Variants in FCHO1 observed in about 807,000 individuals in gnomAD.
FCHO1 encodes F-BAR domain only protein 1.
A neutral mutation model predicts 114.4 loss-of-function variants in FCHO1; 45 were observed. The ratio of observed to expected loss-of-function variants is 0.39; its 90% CI spans 0.31 to 0.50. FCHO1 has a LOEUF of 0.50. Ranked by LOEUF, FCHO1 falls within the 20% of genes least tolerant of loss-of-function variation. The pLI, the probability that FCHO1 is intolerant of heterozygous loss-of-function variation, is 0.77. For missense variants in FCHO1, 1,042 were observed against 1,209.6 expected (o/e 0.86, Z 2.06); for synonymous variants, 480 against 488.9 (o/e 0.98, Z 0.24).
rs1312945945 is a variant in FCHO1, at chr19:17,774,380, C to T, written c.836-14C>T. ...AGGCTCACAGTGCTCAGGTGCCCCC[C>T]AATCTATCCTCAGCGATGAAACGTT... is the stretch of plus-strand genomic sequence containing the variant. On this transcript the variant is annotated splice_polypyrimidine_tract_variant and intron_variant, in intron 12 of 28. Transcript: ENST00000596536. 6 of 1,613,894 alleles carry T rather than the reference C, an allele frequency of 3.7e-6. No homozygotes were observed. The South Asian group carries it at 4.4e-5, about 12-fold the overall frequency.
intron 4 of FCHO1, 86 bp from the exon 5 acceptor site, chr19:17,762,674 GAC>G (rs779262915): frequency 1.1e-6 from 1 of 931,954 alleles, no homozygotes; most frequent in South Asian, 1.3e-5. Flanking sequence ...CAAGGGGATG[GAC>G]TTCTGCTCCT....
In FCHO1 at chr19:17,776,699, C is replaced by T. The variant is rs750270567; in HGVS notation, c.1259+13C>T. On this transcript the variant is annotated intron_variant, in intron 18 of 28. Transcript: ENST00000596536. The surrounding 1 kb of genome is among the most constrained non-coding windows in gnomAD (Gnocchi z 4.4). ...CCAGAACCAGCAGGTGGGTTCCACA[C>T]GAGTGGGCAGGTGGGGGCTGTCCCC... 1.2e-5 allele frequency: 20 copies of T among 1,613,196 alleles called. No homozygotes were observed. Among genetic ancestry groups the T allele is most frequent in the South Asian group, 7.7e-5 (7 of 91,072 alleles).
Position 17,788,335 on chromosome 19 carries a change from C to T in FCHO1, c.*29C>T, listed in dbSNP as rs2094106707. On this transcript the variant is annotated 3_prime_UTR_variant, in exon 29 of 29. Transcript: ENST00000596536. ...CGCAAATGCTGCTGCCCCAGCTCTA[C>T]ACTGCGCCCTGGTGCTGGCTGACCA... is the stretch of plus-strand genomic sequence containing the variant. The T allele has an allele frequency of 1.4e-6, 2 of 1,443,452 alleles. No homozygotes were observed. The highest frequency in any genetic ancestry group is 3.2e-5 in the East Asian group (1 of 31,486). 89.4% of individuals were successfully genotyped at this position (1,443,452 alleles called of 1,614,324 possible). A position where few individuals can be genotyped will look rare whatever the true frequency, so the allele number is the denominator to read the frequency against.
In FCHO1 at chr19:17,776,714, G is replaced by T. The variant is rs1438889021; in HGVS notation, c.1259+28G>T. The T allele has an allele frequency of 6.2e-7, 1 of 1,611,096 alleles. No individual in the cohort carries two copies. Among genetic ancestry groups the T allele is most frequent in the South Asian group, 1.1e-5 (1 of 91,008 alleles). ...GGGTTCCACACGAGTGGGCAGGTGG[G>T]GGCTGTCCCCACCTCCTCCCTCCAC... On this transcript the variant is annotated intron_variant, in intron 18 of 28. Coordinates refer to ENST00000596536, the MANE Select transcript of FCHO1 (RefSeq NM_015122.3). The surrounding 1 kb of genome is among the most constrained non-coding windows in gnomAD (Gnocchi z 4.4).
chr19:17,748,972 G>A (rs1161907331), upstream of FCHO1, among the ~76,000 whole-genome samples: 2 of 152,180 alleles, frequency 1.3e-5, no homozygotes, highest in Non-Finnish European at 2.9e-5. Flanking sequence ...TTACTGCACT[G>A]CAAAATGGGT....
intron 4 of FCHO1, chr19:17,755,511 G>A (rs1331224476): frequency 8.2e-6 from 2 of 244,214 alleles, no homozygotes; most frequent in Non-Finnish European, 1.6e-5. Context: ...TGAACTTCCA[G>A]GACCCAGGGT....
At chr19:17,778,036 C>T in intron 18 of FCHO1, 101 bp from the exon 19 acceptor site, 1 of 749,526 alleles carries the variant, frequency 1.3e-6, no homozygotes, top group Non-Finnish European at 2.2e-6. Flanking sequence ...AAGACTCCGT[C>T]TCAAAAAAAA....
At chr19:17,786,919 AAAACAAACAAAC>A (rs1212378888) in intron 27 of FCHO1, among the ~76,000 whole-genome samples, 1 of 151,652 alleles carries the variant, frequency 6.6e-6, no homozygotes, top group Non-Finnish European at 1.5e-5. Flanking sequence ...CTCTGACTCA[AAAACAAACAAAC>A]AAACAAAAAA....
intron 24 of FCHO1, 99 bp downstream of exon 24, chr19:17,783,271 C>CA (rs1967014470): frequency 2.6e-6 from 2 of 755,342 alleles, no homozygotes; most frequent in South Asian, 5.0e-5. Context: ...TTTTTCTTTT[C>CA]TTTTTTTTTT....
At chr19:17,752,736 C>CAAA (rs760871627) in intron 1 of FCHO1, among the ~76,000 whole-genome samples, 1 of 112,146 alleles carries the variant, frequency 8.9e-6, no homozygotes, top group Non-Finnish European at 1.7e-5. Flanking sequence ...CTAGTCTCTA[C>CAAA]AAAAAAAAAA....
chr19:17,766,203 G>C (rs1332278688), intron 6 of FCHO1, among the ~76,000 whole-genome samples: 1 of 142,068 alleles, frequency 7.0e-6, no homozygotes, highest in African/African-American at 2.6e-5. Flanking sequence ...TTGAGATGGA[G>C]TCTCGCTGTG....
intron 7 of FCHO1, among the ~76,000 whole-genome samples, chr19:17,770,201 T>C (rs982720712): frequency 6.6e-6 from 1 of 152,124 alleles, no homozygotes; most frequent in Non-Finnish European, 1.5e-5. Flanking sequence ...CTTGGGAGGC[T>C]GAGGCAGGAG....
At chr19:17,772,277 A>G (rs2091805584) in intron 9 of FCHO1, among the ~76,000 whole-genome samples, 180 bp from the exon 10 acceptor site, 1 of 152,150 alleles carries the variant, frequency 6.6e-6, no homozygotes, top group African/African-American at 2.4e-5. Context: ...TTGGCTCAGG[A>G]ATGGAAGTGC....
chr19:17,766,625 G>A, intron 6 of FCHO1, 44 bp from the exon 7 acceptor site: 1 of 1,611,780 alleles, frequency 6.2e-7, no homozygotes, highest in South Asian at 1.1e-5. Flanking sequence ...TCCCGGGGTG[G>A]GGTGAGCCTG....
At chr19:17,760,970 G>A (rs1320337559) in intron 4 of FCHO1, among the ~76,000 whole-genome samples, 1 of 152,050 alleles carries the variant, frequency 6.6e-6, no homozygotes, top group African/African-American at 2.4e-5. Context: ...TCTTAATGAG[G>A]AGCTCCTAAA....
rs368642990 is a variant in FCHO1, at chr19:17,776,801, TTTTTTG to T, written c.1259+132_1259+137del. The T allele has an allele frequency of 2.6e-5, 27 of 1,027,078 alleles. No individual in the cohort carries two copies. The highest frequency in any genetic ancestry group is 2.1e-4 in the African/African-American group (13 of 61,606). 63.6% of individuals were successfully genotyped at this position (1,027,078 alleles called of 1,614,324 possible). On this transcript the variant is annotated intron_variant, in intron 18 of 28. Coordinates refer to ENST00000596536, the MANE Select transcript of FCHO1 (RefSeq NM_015122.3). This position sits in a 1 kb window ranked among gnomAD's most constrained non-coding sequence, Gnocchi z 4.4. The stretch of plus-strand genomic sequence containing the variant: ...CTGGGAGTTGACGTCATGCTGGGGT[TTTTTTG>T]TTTTTGTTTTTGTTTTGAGACAGAG...
upstream of FCHO1, among the ~76,000 whole-genome samples, chr19:17,749,515 T>C (rs946123587): frequency 1.7e-4 from 26 of 152,096 alleles, no homozygotes; most frequent in African/African-American, 6.0e-4. Context: ...CTCCAGCACC[T>C]GGGAAAGTTG....
intron 4 of FCHO1, among the ~76,000 whole-genome samples, chr19:17,761,633 C>CATATATATATATATATATATATAT (rs55848959): frequency 7.5e-4 from 107 of 142,676 alleles, no homozygotes; most frequent in Non-Finnish European, 1.3e-3. Context: ...CATGTATATA[C>CATATATATATATATATATATATAT]ATATATATAT....
intron 5 of FCHO1, among the ~76,000 whole-genome samples, chr19:17,763,259 CTTTTTTTT>C (rs11349881): frequency 2.1e-5 from 2 of 96,042 alleles, no homozygotes; most frequent in African/African-American, 3.5e-5. Context: ...CCACATCTGG[CTTTTTTTT>C]TTTTTTTTTT....
Sources: allele counts gnomAD v4.1 joint callset (sites outside exome capture counted in the v4.1 genomes callset), GRCh38; gene constraint gnomAD v4.1.1; non-coding constraint Gnocchi (gnomAD v3.1); transcripts MANE v1.5; gene names NCBI Gene and HGNC (gene_info 2026-07-23, HGNC 2026-07-21).